PRKAA2: variants seen among roughly 807,000 people sequenced by gnomAD.
PRKAA2 encodes the protein protein kinase AMP-activated catalytic subunit alpha 2.
Under a neutral mutation model 56.3 loss-of-function variants are expected in PRKAA2, and 40 were observed. That is an observed-to-expected ratio of 0.71 (90% CI 0.55 to 0.92). The LOEUF (loss-of-function observed/expected upper bound fraction) is 0.92. Among genes scored for constraint, PRKAA2 ranks in the 40% least tolerant of loss-of-function variants. PRKAA2 has a pLI of 0.00. For missense variants in PRKAA2, 542 were observed against 686.9 expected, an observed-to-expected ratio of 0.79 and a Z score of 2.36; for synonymous variants, 214 against 234.2, an observed-to-expected ratio of 0.91 and a Z score of 0.79.
At position 56,715,023 on chromosome 1, in the gene PRKAA2, C is replaced by A. The variant is rs1460829369; in HGVS notation, c.*7310C>A. 4 of 134,838 alleles carry A rather than the reference C, an allele frequency of 3.0e-5. No individual in the cohort carries two copies. In the East Asian group the frequency reaches 8.4e-4, roughly 28 times the overall value. The allele number at this position is 134,838 out of a possible 1,614,324, so 8.4% of individuals were successfully genotyped here. A position where few individuals can be genotyped will look rare whatever the true frequency, so the allele number is the denominator to read the frequency against. ...TGGGACCACTTTTTATAATTGGTTT[C>A]AAGAAAAAAAAATGAACAGACTTCC... On this transcript the variant is annotated 3_prime_UTR_variant, in exon 9 of 9. Coordinates refer to ENST00000371244, the MANE Select transcript of PRKAA2 (RefSeq NM_006252.4).
Position 56,693,801 on chromosome 1 carries a change from G to A in PRKAA2, c.512G>A (p.Arg171Lys). 1 of 1,601,464 alleles carries A rather than the reference G, an allele frequency of 6.2e-7. No individual in the cohort carries two copies. ...SNMMSDGEFL[R>K]TSCGSPNYAA... ...ATGATGTCAGATGGTGAATTTCTGA[G>A]AACTAGTTGCGGATCTCCAAATTAT... Residue 171 changes from arginine (R) to lysine (K), a missense_variant, in exon 5 of 9, where the codon AGA becomes AAA. Transcript: ENST00000371244.
chr1:56,699,301 C>A (rs987448882), intron 6 of PRKAA2, among the ~76,000 whole-genome samples: 1 of 152,060 alleles, frequency 6.6e-6, no homozygotes, highest in African/African-American at 2.4e-5. Flanking sequence ...TATAATCTAA[C>A]CTTAAGTCAT....
At chr1:56,676,420 G>C (rs1644113540) in intron 2 of PRKAA2, among the ~76,000 whole-genome samples, 2 of 152,284 alleles carry the variant, frequency 1.3e-5, no homozygotes, top group East Asian at 3.9e-4. Flanking sequence ...ATGGAGGAAA[G>C]GGAGCATGAG....
At chr1:56,697,735 G>A (rs1644268055) in intron 6 of PRKAA2, among the ~76,000 whole-genome samples, 1 of 151,974 alleles carries the variant, frequency 6.6e-6, no homozygotes, top group South Asian at 2.1e-4. Flanking sequence ...GGCTGAGATG[G>A]GAAGATTGCT....
intron 2 of PRKAA2, among the ~76,000 whole-genome samples, chr1:56,688,381 C>T (rs982331761): frequency 6.6e-6 from 1 of 152,084 alleles, no homozygotes; most frequent in African/African-American, 2.4e-5. Flanking sequence ...TTGTTATAGG[C>T]ACTTTACTAA....
intron 2 of PRKAA2, among the ~76,000 whole-genome samples, chr1:56,676,351 A>G (rs1187066627): frequency 6.6e-6 from 1 of 152,196 alleles, no homozygotes; most frequent in Non-Finnish European, 1.5e-5. Flanking sequence ...TGAACATAGA[A>G]ACAACATCAG....
chr1:56,697,835 G>C (rs1209195048), intron 6 of PRKAA2, among the ~76,000 whole-genome samples: 2 of 151,458 alleles, frequency 1.3e-5, no homozygotes, highest in Admixed American at 1.3e-4. Context: ...AAGTCAAATG[G>C]TAATGATTCA....
chr1:56,678,534 G>T lies in PRKAA2; in HGVS notation c.236+4012G>T, dbSNP rs1001466089. Among the ~76,000 whole-genome samples, 9 of 152,146 alleles carry T rather than the reference G, an allele frequency of 5.9e-5. 1 individual carries two copies. The East Asian group carries it at 1.5e-3, about 26-fold the overall frequency. The stretch of plus-strand genomic sequence containing the variant: ...AAACCCACTGGTAGAAAATTAAAAG[G>T]CACAAATAGGATTTAAAGAAAAATC... On this transcript the variant is annotated intron_variant, in intron 2 of 8. Coordinates refer to ENST00000371244, the MANE Select transcript of PRKAA2 (RefSeq NM_006252.4).
Position 56,714,775 on chromosome 1 carries a change from A to G in PRKAA2, c.*7062A>G, listed in dbSNP as rs1644394923. ...TTCTTTGTCATGTATGCTTAAATAT[A>G]CAGTGGATTTTGAATGCAACAAATA... is the stretch of plus-strand genomic sequence containing the variant. On this transcript the variant is annotated 3_prime_UTR_variant, in exon 9 of 9. Coordinates refer to ENST00000371244, the MANE Select transcript of PRKAA2 (RefSeq NM_006252.4). 6.6e-6 allele frequency: 1 copy of G among 152,186 alleles called. No homozygotes were observed. The highest frequency in any genetic ancestry group is 2.4e-5 in the African/African-American group (1 of 41,460). 9.4% of individuals were successfully genotyped at this position (152,186 alleles called of 1,614,324 possible).
intron 1 of PRKAA2, among the ~76,000 whole-genome samples, chr1:56,659,305 G>A (rs4561065): frequency 0.34 from 51,770 of 150,610 alleles, 9,198 homozygotes; most frequent in Admixed American, 0.48. Flanking sequence ...AAAACCAGCC[G>A]GCCAAGATGG....
intron 1 of PRKAA2, among the ~76,000 whole-genome samples, chr1:56,658,498 A>G (rs1278070682): frequency 6.6e-6 from 1 of 152,090 alleles, no homozygotes; most frequent in Admixed American, 6.6e-5. Flanking sequence ...ACATTCTCCA[A>G]CGGTGTTAAA....
intron 1 of PRKAA2, among the ~76,000 whole-genome samples, chr1:56,646,776 T>C (rs1646646031): frequency 6.6e-6 from 1 of 152,228 alleles, no homozygotes; most frequent in African/African-American, 2.4e-5. Context: ...AGACTCATTT[T>C]TCATTCCTTT....
At chr1:56,704,753 G>GA (rs1644320349) in intron 7 of PRKAA2, among the ~76,000 whole-genome samples, 1 of 151,206 alleles carries the variant, frequency 6.6e-6, no homozygotes, top group African/African-American at 2.4e-5. Context: ...TCATAGCAAT[G>GA]AAAAATCATG....
intron 1 of PRKAA2, among the ~76,000 whole-genome samples, chr1:56,668,497 G>C (rs1409312344): frequency 6.6e-6 from 1 of 151,286 alleles, no homozygotes; most frequent in Non-Finnish European, 1.5e-5. Flanking sequence ...TTTGTGGACT[G>C]AAGCTTCATT....
At chr1:56,686,809 G>A (rs375692518) in intron 2 of PRKAA2, among the ~76,000 whole-genome samples, 6 of 152,074 alleles carry the variant, frequency 3.9e-5, no homozygotes, top group Admixed American at 1.3e-4. Context: ...AGATTTGGAG[G>A]GGATGAACAT....
At chr1:56,691,114 G>C (rs1457713912) in intron 2 of PRKAA2, among the ~76,000 whole-genome samples, 1 of 151,844 alleles carries the variant, frequency 6.6e-6, no homozygotes, top group African/African-American at 2.4e-5. Flanking sequence ...ACAAATTTTT[G>C]TTTATATGGA....
chr1:56,704,068 G>A lies in PRKAA2; in HGVS notation c.886G>A (p.Val296Met), dbSNP rs1402031954. ...NVIDDEAVKE[V>M]CEKFECTESE... ...CATTGATGATGAGGCTGTGAAAGAA[G>A]TGTGTGAAAAATTTGAATGTACAGA... Residue 296 changes from valine (V) to methionine (M), a missense_variant, in exon 7 of 9, where the codon GTG (valine) becomes ATG (methionine). Around this residue, in one of 5 missense-constraint regions of PRKAA2, gnomAD observed 198 missense variants for 234.0 expected, o/e 0.85. Coordinates refer to ENST00000371244, the MANE Select transcript of PRKAA2 (RefSeq NM_006252.4). 1 of 1,614,056 alleles carries A rather than the reference G, an allele frequency of 6.2e-7. No homozygotes were observed. The highest frequency in any genetic ancestry group is 1.3e-5 in the African/African-American group (1 of 74,932).
intron 2 of PRKAA2, among the ~76,000 whole-genome samples, chr1:56,675,037 G>GT (rs919771904): frequency 1.3e-5 from 2 of 151,844 alleles, no homozygotes; most frequent in East Asian, 1.9e-4. Flanking sequence ...AGGCAAATGT[G>GT]TTTTTTTCCC....
At chr1:56,697,823 A>T (rs1195151677) in intron 6 of PRKAA2, among the ~76,000 whole-genome samples, 2 of 151,920 alleles carry the variant, frequency 1.3e-5, no homozygotes, top group Admixed American at 6.6e-5. Context: ...TTATTAAAAA[A>T]AAAGTCAAAT....
Sources: allele counts gnomAD v4.1 joint callset (sites outside exome capture counted in the v4.1 genomes callset), GRCh38; gene constraint gnomAD v4.1.1; regional missense constraint gnomAD v4.1.1; transcripts MANE v1.5; gene names NCBI Gene and HGNC (gene_info 2026-07-23, HGNC 2026-07-21).